The following THADA variants were observed in gnomAD, a reference collection of about 807,000 sequenced individuals.
The protein encoded by THADA is THADA armadillo repeat containing, also known as tRNA (32-2'-O)-methyltransferase regulator THADA.
THADA carries 213 observed loss-of-function variants against 219.8 expected under a neutral mutation model. The ratio of observed to expected loss-of-function variants is 0.97; its 90% CI spans 0.87 to 1.09. The LOEUF (loss-of-function observed/expected upper bound fraction) is 1.09. THADA is among the 50% of genes least tolerant of loss of function. The pLI, the probability that THADA is intolerant of heterozygous loss-of-function variation, is 0.00. For synonymous variants in THADA, 1,018 were observed against 828.9 expected (o/e 1.23, Z -3.92); for missense variants, 2,956 against 2,311.3 (o/e 1.28, Z -5.72).
intron 15 of THADA, chr2:43,562,432 G>A (rs111731167): frequency 0.019 from 2,890 of 152,242 alleles, 40 homozygotes; most frequent in Non-Finnish European, 0.033. Context: ...TTTTAGTAGC[G>A]ACGGGGTTTC....
At chr2:43,278,362 T>C (rs1269032237) in intron 36 of THADA, among the ~76,000 whole-genome samples, 1 of 152,238 alleles carries the variant, frequency 6.6e-6, no homozygotes, top group African/African-American at 2.4e-5. Flanking sequence ...GAAAAAGATC[T>C]ATATTTTATG....
intron 25 of THADA, 41 bp downstream of exon 25, chr2:43,498,792 G>A: frequency 5.0e-6 from 8 of 1,598,654 alleles, no homozygotes; most frequent in Non-Finnish European, 6.8e-6. Context: ...CTACTCAGAA[G>A]CATAATTAAA....
At chr2:43,437,548 C>T (rs966340889) in intron 26 of THADA, among the ~76,000 whole-genome samples, 6 of 152,094 alleles carry the variant, frequency 3.9e-5, no homozygotes. Flanking sequence ...GATTTGGTGC[C>T]AACTCATCAC....
chr2:43,390,233 C>T (rs1192641239), intron 29 of THADA, among the ~76,000 whole-genome samples: 2 of 152,206 alleles, frequency 1.3e-5, no homozygotes, highest in African/African-American at 4.8e-5. Flanking sequence ...GAGTCCCCAG[C>T]AGTCCTGGCA....
chr2:43,297,865 G>T (rs1434637012), intron 31 of THADA, among the ~76,000 whole-genome samples: 1 of 116,032 alleles, frequency 8.6e-6, no homozygotes, highest in Non-Finnish European at 1.7e-5. Context: ...CCCCGTCCGG[G>T]AGGTGAGGGG....
At chr2:43,275,504 C>T (rs938098938) in intron 36 of THADA, among the ~76,000 whole-genome samples, 4 of 152,206 alleles carry the variant, frequency 2.6e-5, no homozygotes, top group African/African-American at 7.2e-5. Flanking sequence ...CCCAGAGGCA[C>T]CCTGCCTCTG....
rs934158873 is a variant in THADA at position 43,231,400 on chromosome 2, G to T, written c.5467-57C>A. On this transcript the variant is annotated intron_variant, in intron 37 of 37. Transcript: ENST00000405975. ...TTACAGGGAATGGTGACAAGCCCCA[G>T]TCCAGACCAAGCAGTACCCTGCCAG... is the stretch of plus-strand genomic sequence containing the variant. 17 of 1,457,432 alleles carry T rather than the reference G, an allele frequency of 1.2e-5. No homozygotes were observed. The African/African-American group carries it at 1.6e-4, about 13-fold the overall frequency. The allele number at this position is 1,457,432 out of a possible 1,614,324, so 90.3% of individuals were successfully genotyped here.
Position 43,508,859 on chromosome 2 carries a change from G to T in THADA, c.3375-79C>A, listed in dbSNP as rs181068791. ...CAAACTATTGATGCACATTTACACT[G>T]TTAGTAAATAATAAATATCCTTATA... On this transcript the variant is annotated intron_variant, in intron 22 of 37. Coordinates refer to ENST00000405975, the MANE Select transcript of THADA (RefSeq NM_022065.5). 43 of 1,366,400 alleles carry T rather than the reference G, an allele frequency of 3.1e-5. 1 individual carries two copies. In the Middle Eastern group the frequency reaches 2.2e-3, roughly 71 times the overall value. 84.6% of individuals were successfully genotyped at this position (1,366,400 alleles called of 1,614,324 possible). A position where few individuals can be genotyped will look rare whatever the true frequency, so the allele number is the denominator to read the frequency against.
chr2:43,414,058 T>C (rs1165196838), intron 28 of THADA, among the ~76,000 whole-genome samples: 1 of 152,230 alleles, frequency 6.6e-6, no homozygotes, highest in East Asian at 1.9e-4. Flanking sequence ...TAAGTTGTTA[T>C]GTTGTATTGT....
intron 25 of THADA, 39 bp from the exon 26 acceptor site, chr2:43,485,364 C>G (rs1215162808): frequency 1.4e-6 from 2 of 1,472,580 alleles, no homozygotes; most frequent in Non-Finnish European, 1.9e-6. Context: ...CTTAAATATT[C>G]TTGGCATGAA....
intron 31 of THADA, among the ~76,000 whole-genome samples, chr2:43,309,528 C>T (rs1483667464): frequency 6.6e-6 from 1 of 152,126 alleles, no homozygotes; most frequent in Non-Finnish European, 1.5e-5. Flanking sequence ...ACCATATTGA[C>T]AGAATGAAGG....
rs367792595 is a variant in THADA at position 43,231,049 on chromosome 2, A to T, written c.5761T>A (p.Leu1921Met). The T allele has an allele frequency of 1.9e-6, 3 of 1,613,764 alleles. No individual in the cohort carries two copies. The highest frequency in any genetic ancestry group is 2.5e-6 in the Non-Finnish European group (3 of 1,179,876). ...TLACLRLLAF[L>M]EGKEGEDTLV... ...GTGTCTTCCCCTTCCTTTCCTTCCA[A>T]AAAGGCCAGCAGCCTCAAGCAAGCC... The change falls in exon 38 of 38, where the codon TTG (leucine) becomes ATG (methionine). Residue 1921 changes from leucine to methionine, a missense_variant. Leu to Met is a conservative substitution (Grantham distance 15, BLOSUM62 2). Transcript: ENST00000405975.
At chr2:43,464,545 T>G (rs775705291) in intron 26 of THADA, among the ~76,000 whole-genome samples, 3 of 152,222 alleles carry the variant, frequency 2.0e-5, no homozygotes. Flanking sequence ...TAAATGCCTC[T>G]TGAATTAAGT....
chr2:43,385,606 C>CAAAAAAAAAAAAAA, intron 29 of THADA, among the ~76,000 whole-genome samples: 1 of 49,930 alleles, frequency 2.0e-5, no homozygotes, highest in Non-Finnish European at 4.4e-5. Flanking sequence ...GACTCCGTCT[C>CAAAAAAAAAAAAAA]AAAAAAAAAA....
chr2:43,291,961 T>A, intron 33 of THADA, 143 bp downstream of exon 33: 1 of 758,706 alleles, frequency 1.3e-6, no homozygotes, highest in Non-Finnish European at 2.1e-6. Context: ...TTCTATTGCT[T>A]GAGTTTAGAA....
rs780239835 is a variant in THADA at position 43,286,920 on chromosome 2, G to C, written c.5152C>G (p.His1718Asp). The change falls in exon 35 of 38, where the codon CAT becomes GAT. Residue 1718 changes from histidine (H) to aspartate (D), a missense_variant. Transcript: ENST00000405975. ...TCGGCGCACTTACCAAGAATAGGAT[G>C]GGGGTTGGTGAGGAAAAGTGGTGTA... The part of the protein sequence containing the change: ...STTPLFLTNP[H>D]PILELQDTLA... 1 of 1,612,242 alleles carries C rather than the reference G, an allele frequency of 6.2e-7. No homozygotes were observed. Among genetic ancestry groups the C allele is most frequent in the African/African-American group, 1.3e-5 (1 of 74,902 alleles).
At chr2:43,561,119 C>G (rs1257457299) in intron 15 of THADA, among the ~76,000 whole-genome samples, 2 of 151,100 alleles carry the variant, frequency 1.3e-5, no homozygotes, top group Non-Finnish European at 2.9e-5. Flanking sequence ...TACTGGGAGT[C>G]AAAGATAAAG....
chr2:43,458,052 T>C (rs1683222630), intron 26 of THADA, among the ~76,000 whole-genome samples: 1 of 152,082 alleles, frequency 6.6e-6, no homozygotes, highest in South Asian at 2.1e-4. Context: ...CCAAGGCTTA[T>C]TTATGGAAAG....
At chr2:43,527,842 T>C (rs1301428642) in intron 22 of THADA, 37 bp downstream of exon 22, 5 of 1,432,478 alleles carry the variant, frequency 3.5e-6, no homozygotes, top group Non-Finnish European at 3.9e-6. Flanking sequence ...GTATATTTAG[T>C]CTTTTTAAAA....
Sources: allele counts gnomAD v4.1 joint callset (sites outside exome capture counted in the v4.1 genomes callset), GRCh38; gene constraint gnomAD v4.1.1; transcripts MANE v1.5; gene names NCBI Gene and HGNC (gene_info 2026-07-23, HGNC 2026-07-21).